Variants in MYRIP observed in about 807,000 individuals in gnomAD.
The protein encoded by MYRIP is myosin VIIA and Rab interacting protein.
A neutral mutation model predicts 98.0 loss-of-function variants in MYRIP; 49 were observed. The observed-to-expected ratio is 0.50, with a 90% CI of 0.40 to 0.63. The LOEUF (loss-of-function observed/expected upper bound fraction) is 0.63. MYRIP is among the 30% of genes least tolerant of loss of function. MYRIP has a pLI of 0.00. For synonymous variants in MYRIP, 404 were observed against 409.5 expected, an observed-to-expected ratio of 0.99 and a Z score of 0.16; for missense variants, 1,004 against 1,058.2, an observed-to-expected ratio of 0.95 and a Z score of 0.71.
intron 2 of MYRIP, among the ~76,000 whole-genome samples, chr3:40,016,225 C>T (rs537745038): frequency 7.8e-4 from 118 of 152,168 alleles, no homozygotes; most frequent in Non-Finnish European, 1.2e-3. Context: ...TCTGAGCCTC[C>T]GACCTGTGTT....
At position 40,210,139 on chromosome 3, in the gene MYRIP, G is replaced by C. The variant is rs772716918; in HGVS notation, c.1905+46G>C. On this transcript the variant is annotated intron_variant, in intron 11 of 16. Coordinates refer to ENST00000302541, the MANE Select transcript of MYRIP (RefSeq NM_015460.4). ...TGCAGACAGCTCAAGCTTCTGCAGTGGGGTGTTGGAGAAAGATCCTATATT... is the reference window on the plus strand; with the variant it reads ...TGCAGACAGCTCAAGCTTCTGCAGTCGGGTGTTGGAGAAAGATCCTATATT... 64 of 1,587,618 alleles carry C rather than the reference G, an allele frequency of 4.0e-5. 1 individual carries two copies. The South Asian group carries it at 7.3e-4, about 18-fold the overall frequency.
intron 2 of MYRIP, among the ~76,000 whole-genome samples, chr3:39,932,571 G>T (rs1281951347): frequency 6.6e-6 from 1 of 151,980 alleles, no homozygotes; most frequent in Non-Finnish European, 1.5e-5. Context: ...TTGTTTAGTA[G>T]AGTTGGGGTT....
intron 11 of MYRIP, among the ~76,000 whole-genome samples, chr3:40,219,029 TATGAC>T (rs1952240954): frequency 6.6e-6 from 1 of 152,296 alleles, no homozygotes; most frequent in South Asian, 2.1e-4. Flanking sequence ...TGAAATTTAA[TATGAC>T]ATGACAATGG....
intron 1 of MYRIP, among the ~76,000 whole-genome samples, chr3:39,889,356 A>G (rs966025732): frequency 5.3e-5 from 8 of 152,222 alleles, no homozygotes; most frequent in Non-Finnish European, 1.2e-4. Flanking sequence ...GCCATAAAAA[A>G]TGATGAGTTC....
chr3:40,020,720 G>T (rs1249307521), intron 2 of MYRIP, among the ~76,000 whole-genome samples: 1 of 152,112 alleles, frequency 6.6e-6, no homozygotes, highest in Non-Finnish European at 1.5e-5. Flanking sequence ...TATATGTAAG[G>T]CATATAATCA....
chr3:39,838,604 G>A (rs1344707497), intron 1 of MYRIP, among the ~76,000 whole-genome samples: 1 of 151,864 alleles, frequency 6.6e-6, no homozygotes, highest in African/African-American at 2.4e-5. Flanking sequence ...TGCTGGATTC[G>A]GTTTGCTAGT....
At chr3:40,157,602 T>C (rs1457879952) in intron 4 of MYRIP, among the ~76,000 whole-genome samples, 5 of 145,892 alleles carry the variant, frequency 3.4e-5, no homozygotes, top group African/African-American at 1.3e-4. Context: ...CTGGTAGAAT[T>C]TGGCTGTGAA....
At chr3:39,916,271 G>A (rs1575375928) in intron 2 of MYRIP, among the ~76,000 whole-genome samples, 1 of 151,848 alleles carries the variant, frequency 6.6e-6, no homozygotes, top group Non-Finnish European at 1.5e-5. Flanking sequence ...CCAACTAAGA[G>A]GTAAGACAGT....
intron 2 of MYRIP, among the ~76,000 whole-genome samples, chr3:39,950,732 A>G (rs112364629): frequency 0.036 from 5,431 of 152,078 alleles, 133 homozygotes; most frequent in Non-Finnish European, 0.054. Flanking sequence ...AGGCTGATAG[A>G]CTCCAGCTTG....
At chr3:39,847,616 C>T (rs1022171927) in intron 1 of MYRIP, among the ~76,000 whole-genome samples, 1 of 152,164 alleles carries the variant, frequency 6.6e-6, no homozygotes, top group African/African-American at 2.4e-5. Context: ...GGTTAATTCT[C>T]AGTGATTTTG....
At chr3:39,970,799 C>A (rs1261004494) in intron 2 of MYRIP, among the ~76,000 whole-genome samples, 1 of 151,944 alleles carries the variant, frequency 6.6e-6, no homozygotes, top group Non-Finnish European at 1.5e-5. Flanking sequence ...TGTGTAATTT[C>A]TTTTCTCTAC....
intron 2 of MYRIP, among the ~76,000 whole-genome samples, chr3:39,909,888 T>G (rs7616405): frequency 2.1e-4 from 32 of 151,580 alleles, no homozygotes; most frequent in East Asian, 3.9e-4. Context: ...CGTTCTTTTT[T>G]TTTGTTTGTT....
intron 2 of MYRIP, among the ~76,000 whole-genome samples, chr3:40,007,793 C>T (rs1946667411): frequency 6.6e-6 from 1 of 152,180 alleles, no homozygotes; most frequent in African/African-American, 2.4e-5. Context: ...GCACTTCAGT[C>T]CAAAGGTGTT....
intron 1 of MYRIP, among the ~76,000 whole-genome samples, chr3:39,873,519 G>A (rs1167631425): frequency 6.6e-6 from 1 of 152,134 alleles, no homozygotes; most frequent in African/African-American, 2.4e-5. Context: ...TTTGGTATAA[G>A]GTGTAAGGAA....
chr3:40,154,948 T>A (rs573144469), intron 4 of MYRIP, among the ~76,000 whole-genome samples: 22 of 152,322 alleles, frequency 1.4e-4, no homozygotes, highest in African/African-American at 5.1e-4. Context: ...TAAACCTTGC[T>A]TTTATTATCA....
intron 11 of MYRIP, among the ~76,000 whole-genome samples, chr3:40,213,637 C>A (rs956128135): frequency 3.9e-5 from 6 of 151,916 alleles, no homozygotes; most frequent in Non-Finnish European, 7.4e-5. Context: ...CAGACACACA[C>A]ACACACTCTT....
chr3:39,813,717 TTAAGTG>T (rs1940778344), intron 1 of MYRIP, among the ~76,000 whole-genome samples: 5 of 152,198 alleles, frequency 3.3e-5, no homozygotes, highest in Admixed American at 3.3e-4. Flanking sequence ...ATGTAGCCAC[TTAAGTG>T]TAAGTATGGA....
At chr3:40,177,025 T>C (rs1031591722) in intron 8 of MYRIP, among the ~76,000 whole-genome samples, 5 of 150,526 alleles carry the variant, frequency 3.3e-5, no homozygotes, top group African/African-American at 7.4e-5. Flanking sequence ...CAGTGAGCTA[T>C]GATTGCACCA....
intron 3 of MYRIP, among the ~76,000 whole-genome samples, chr3:40,110,331 G>GA (rs1362478527): frequency 1.3e-5 from 2 of 152,110 alleles, no homozygotes; most frequent in East Asian, 1.9e-4. Context: ...TGGCCTTGTA[G>GA]AAAAAAAGGC....
Sources: gnomAD v4.1 joint callset for allele counts (sites outside exome capture counted in the v4.1 genomes callset) on GRCh38, gnomAD v4.1.1 for gene constraint, MANE v1.5 for transcripts, NCBI Gene and HGNC (gene_info 2026-07-23, HGNC 2026-07-21) for gene names.